CEP131: variants seen among roughly 807,000 people sequenced by gnomAD.
CEP131 encodes centrosomal protein 131.
Under a neutral mutation model 136.8 loss-of-function variants are expected in CEP131, and 99 were observed. That is an observed-to-expected ratio of 0.72 (90% CI 0.62 to 0.86). CEP131 has a LOEUF of 0.86. CEP131 is among the 40% of genes least tolerant of loss of function. The pLI is 0.00. For missense variants in CEP131, 1,459 were observed against 1,463.0 expected (o/e 1.00, Z 0.04); for synonymous variants, 646 against 612.7 (o/e 1.05, Z -0.80).
intron 2 of CEP131, among the ~76,000 whole-genome samples, chr17:81,211,259 G>T (rs187025980): frequency 3.3e-5 from 5 of 152,314 alleles, no homozygotes; most frequent in Admixed American, 2.0e-4. Flanking sequence ...CAAACTGGGC[G>T]CTGGAAAGGT....
Position 81,198,744 on chromosome 17 carries a change from T to C in CEP131, c.1287+133A>G, listed in dbSNP as rs76095258. 4,546 of 835,704 alleles carry C rather than the reference T, an allele frequency of 5.4e-3. 114 individuals are homozygous for C. Among genetic ancestry groups the C allele is most frequent in the African/African-American group, 0.045 (2,629 of 58,298 alleles). The allele number at this position is 835,704 out of a possible 1,614,324, so 51.8% of individuals were successfully genotyped here. A position where few individuals can be genotyped will look rare whatever the true frequency, so the allele number is the denominator to read the frequency against. On this transcript the variant is annotated intron_variant, in intron 11 of 25. Coordinates refer to ENST00000450824, the MANE Select transcript of CEP131 (RefSeq NM_014984.4). Reference sequence around the variant, plus strand: ...TCAGAGCAAGAAGACACCTCCTGGGTGGCCTCTCTGAGCTTAAGTGGCCCC... The same window carrying C: ...TCAGAGCAAGAAGACACCTCCTGGGCGGCCTCTCTGAGCTTAAGTGGCCCC...
At position 81,206,767 on chromosome 17, in the gene CEP131, G is replaced by A. The variant is rs1567870679; in HGVS notation, c.492C>T (p.Ala164=). 2 of 1,613,958 alleles carry A rather than the reference G, an allele frequency of 1.2e-6. No homozygotes were observed. The highest frequency in any genetic ancestry group is 1.6e-4 in the Middle Eastern group (1 of 6,062). Reference sequence around the variant, plus strand: ...ACCTGTTGTTAGCAGTGAAGTTGGGGGCCAGGGCCACGGTGCATTCTTTCC... The same window carrying A: ...ACCTGTTGTTAGCAGTGAAGTTGGGAGCCAGGGCCACGGTGCATTCTTTCC... The part of the protein sequence containing the change: ...PRRKECTVAL[A]PNFTANNRSN... The change falls in exon 5 of 26, where the codon GCC becomes GCT. Residue 164 remains alanine, a synonymous_variant. Transcript: ENST00000450824.
At chr17:81,190,013 G>A (rs769551158) in intron 24 of CEP131, 38 bp from the exon 25 acceptor site, 42 of 1,559,474 alleles carry the variant, frequency 2.7e-5, no homozygotes, top group Middle Eastern at 1.8e-4. Context: ...TGTGGCCCCC[G>A]CCCCATGTCC....
In CEP131 at chr17:81,198,247, C is replaced by A. The variant is rs137923843; in HGVS notation, c.1338G>T (p.Pro446=). 6.2e-7 allele frequency: 1 copy of A among 1,603,694 alleles called. No individual in the cohort carries two copies. ...AAGDNLEMMA[P]SRGSAKSRGP... ...CCCTGGACTTGGCGCTCCCCCTGCTCGGGGCCATCATCTCCAGGTTGTCCC... is the reference window on the plus strand; with the variant it reads ...CCCTGGACTTGGCGCTCCCCCTGCTAGGGGCCATCATCTCCAGGTTGTCCC... The change falls in exon 12 of 26, where the codon CCG becomes CCT. Residue 446 remains proline, a synonymous_variant. Coordinates refer to ENST00000450824, the MANE Select transcript of CEP131 (RefSeq NM_014984.4).
At chr17:81,191,372 G>A (rs373812079) in intron 21 of CEP131, 37 bp from the exon 22 acceptor site, 45 of 1,610,284 alleles carry the variant, frequency 2.8e-5, no homozygotes, top group Non-Finnish European at 3.2e-5. Flanking sequence ...TTGCCACCCG[G>A]AGCCGGCCCG....
chr17:81,191,292 A>G lies in CEP131; in HGVS notation c.2666T>C (p.Ile889Thr). 1 of 1,613,244 alleles carries G rather than the reference A, an allele frequency of 6.2e-7. No individual in the cohort carries two copies. Among genetic ancestry groups the G allele is most frequent in the Non-Finnish European group, 8.5e-7 (1 of 1,179,922 alleles). Residue 889 changes from isoleucine (I) to threonine (T), a missense_variant, in exon 22 of 26, where the codon ATC becomes ACC. Physicochemically the swap from Ile to Thr is moderately conservative, Grantham distance 89 (BLOSUM62 -1). Transcript: ENST00000450824. ...AATCTCCTTGTCCCGGCCTTTCCGG[A>G]TTTCTTCCCTCAGCTCCTGTTCCCG... The part of the protein sequence containing the change: ...LNREQELREE[I>T]RKGRDKEIEL...
intron 18 of CEP131, 99 bp downstream of exon 18, chr17:81,193,827 C>G (rs1325390624): frequency 1.5e-6 from 2 of 1,343,950 alleles, no homozygotes; most frequent in African/African-American, 3.0e-5. Context: ...GCACTAAGAC[C>G]CTCGCCCACC....
At chr17:81,207,478 G>A (rs1168706146) in intron 3 of CEP131, among the ~76,000 whole-genome samples, 1 of 145,836 alleles carries the variant, frequency 6.9e-6, no homozygotes, top group East Asian at 2.0e-4. Context: ...CACAGTTTCT[G>A]GGGACAAGGG....
At chr17:81,212,475 G>A (rs1187568412) in intron 2 of CEP131, among the ~76,000 whole-genome samples, 1 of 149,844 alleles carries the variant, frequency 6.7e-6, no homozygotes, top group East Asian at 2.0e-4. Context: ...GAGTAGCCCC[G>A]GGCAGGAGTG....
chr17:81,202,512 G>T lies in CEP131; in HGVS notation c.630-114C>A, dbSNP rs141222779. The T allele has an allele frequency of 2.2e-3, 2,823 of 1,274,864 alleles. 57 individuals are homozygous for T. The African/African-American group carries it at 0.038, about 17-fold the overall frequency. 79.0% of individuals were successfully genotyped at this position (1,274,864 alleles called of 1,614,324 possible). Reference sequence around the variant, plus strand: ...AGGACTGAGCCTGGAAGTGGTGCTGGCAGGCTGGCAGCCGGGGCAGAGGGG... The same window carrying T: ...AGGACTGAGCCTGGAAGTGGTGCTGTCAGGCTGGCAGCCGGGGCAGAGGGG... On this transcript the variant is annotated intron_variant, in intron 6 of 25. Coordinates refer to ENST00000450824, the MANE Select transcript of CEP131 (RefSeq NM_014984.4).
At chr17:81,210,245 T>C (rs1310496201) in intron 2 of CEP131, among the ~76,000 whole-genome samples, 1 of 151,986 alleles carries the variant, frequency 6.6e-6, no homozygotes, top group Non-Finnish European at 1.5e-5. Context: ...TCCCAGCACT[T>C]TGGGAGGCCG....
intron 1 of CEP131, among the ~76,000 whole-genome samples, chr17:81,220,589 G>A (rs1249926472): frequency 6.6e-6 from 1 of 152,136 alleles, no homozygotes; most frequent in Non-Finnish European, 1.5e-5. Flanking sequence ...CTGCCTCCCG[G>A]GTTCAAGCGA....
At position 81,208,094 on chromosome 17, in the gene CEP131, C is replaced by A. The variant is rs552278395; in HGVS notation, c.272+834G>T. 6.9e-6 allele frequency among the ~76,000 whole-genome samples: 1 copy of A among 144,436 alleles called. No homozygotes were observed. Among genetic ancestry groups the A allele is most frequent in the South Asian group, 2.3e-4 (1 of 4,418 alleles). 94.8% of individuals were successfully genotyped at this position (144,436 alleles called of 152,430 possible). Reference sequence around the variant, plus strand: ...ACACCCACACACCACACCACACACACACACTTATGCCACACACCCACACAC... The same window carrying A: ...ACACCCACACACCACACCACACACAAACACTTATGCCACACACCCACACAC... On this transcript the variant is annotated intron_variant, in intron 3 of 25. Coordinates refer to ENST00000450824, the MANE Select transcript of CEP131 (RefSeq NM_014984.4). This position sits in a 1 kb window ranked among gnomAD's most constrained non-coding sequence, Gnocchi z 5.6.
intron 2 of CEP131, among the ~76,000 whole-genome samples, chr17:81,217,080 T>C (rs2062263452): frequency 6.6e-6 from 1 of 152,116 alleles, no homozygotes; most frequent in South Asian, 2.1e-4. Flanking sequence ...TGCACAGTGA[T>C]GTCTGTTCCC....
rs761531987 is a variant in CEP131, at chr17:81,193,933, G to A, written c.2314C>T (p.Arg772Trp). The stretch of plus-strand genomic sequence containing the variant: ...CCTGGGGCCACCACCCACCGCTGCC[G>A]AGCACGTTCGCGCTCCTGCTGGCCC... ...ALGQQERERARQRFQQHLEQE... is the reference protein window; with the variant it reads ...ALGQQERERAWQRFQQHLEQE... The change falls in exon 18 of 26, where the codon CGG becomes TGG. Residue 772 changes from arginine (R) to tryptophan (W), a missense_variant. Coordinates refer to ENST00000450824, the MANE Select transcript of CEP131 (RefSeq NM_014984.4). 77 of 1,535,676 alleles carry A rather than the reference G, an allele frequency of 5.0e-5. No homozygotes were observed. The highest frequency in any genetic ancestry group is 6.5e-5 in the Non-Finnish European group (74 of 1,142,304).
chr17:81,196,842 AGAG>A lies in CEP131; in HGVS notation c.1774-19_1774-17del, dbSNP rs1258112991. The stretch of plus-strand genomic sequence containing the variant: ...GCTGCTGCGCCTGCAGGGTGTGGGC[AGAG>A]GAGGGAAGCGCTAGGACCGGTGGGC... On this transcript the variant is annotated splice_polypyrimidine_tract_variant and intron_variant, in intron 14 of 25. Transcript: ENST00000450824. 1 of 1,598,030 alleles carries A rather than the reference AGAG, an allele frequency of 6.3e-7. No individual in the cohort carries two copies. Among genetic ancestry groups the A allele is most frequent in the East Asian group, 2.3e-5 (1 of 44,282 alleles).
At position 81,199,365 on chromosome 17, in the gene CEP131, G is replaced by T. The variant is rs372272864; in HGVS notation, c.1192+16C>A. The T allele has an allele frequency of 8.2e-6, 13 of 1,589,838 alleles. No homozygotes were observed. The highest frequency in any genetic ancestry group is 9.4e-6 in the Non-Finnish European group (11 of 1,171,792). On this transcript the variant is annotated intron_variant, in intron 10 of 25. Coordinates refer to ENST00000450824, the MANE Select transcript of CEP131 (RefSeq NM_014984.4). ...GTCCACCCCCCAGAGCAGGGCGGGC[G>T]TGGAGCCACTCTCACCAGTATTGTT...
At chr17:81,221,140 A>AC (rs1598334290) in intron 1 of CEP131, among the ~76,000 whole-genome samples, 4 of 151,310 alleles carry the variant, frequency 2.6e-5, no homozygotes, top group Admixed American at 6.6e-5. Context: ...AAAAAAAAAA[A>AC]AAAAAACGCG....
chr17:81,198,998 C>T (rs902119425), intron 10 of CEP131, 27 bp from the exon 11 acceptor site: 1 of 1,497,730 alleles, frequency 6.7e-7, no homozygotes. Flanking sequence ...AGCACCATTC[C>T]ACAGGGAGCA....
Sources: gnomAD v4.1 joint callset for allele counts (sites outside exome capture counted in the v4.1 genomes callset) on GRCh38, gnomAD v4.1.1 for gene constraint, Gnocchi (gnomAD v3.1) non-coding constraint, MANE v1.5 for transcripts, NCBI Gene and HGNC (gene_info 2026-07-23, HGNC 2026-07-21) for gene names.